The following TCF4 variants were observed in gnomAD, a reference collection of about 807,000 sequenced individuals.
TCF4 encodes the protein SL3-3 enhancer factor 2.
TCF4 carries 3 observed loss-of-function variants against 82.1 expected under a neutral mutation model. That is an observed-to-expected ratio of 0.04 (90% CI 0.02 to 0.09). The LOEUF (loss-of-function observed/expected upper bound fraction) is 0.09. TCF4 is among the 10% of genes least tolerant of loss of function. The pLI, the probability that TCF4 is intolerant of heterozygous loss-of-function variation, is 1.00. For missense variants in TCF4, 518 were observed against 852.7 expected (o/e 0.61, Z 4.89); for synonymous variants, 276 against 309.6 (o/e 0.89, Z 1.14).
Position 55,351,003 on chromosome 18 carries a change from G to C in TCF4, c.370C>G (p.Gln124Glu). 7.4e-6 allele frequency: 12 copies of C among 1,613,072 alleles called. No individual in the cohort carries two copies. The highest frequency in any genetic ancestry group is 1.0e-5 in the Non-Finnish European group (12 of 1,179,284). ...TCCATGTCACCTCCAAGGAGACTCT[G>C]CTAAAAGGTTAAAAAGGGAAAACAA... ...RESNLQGCHQ[Q>E]SLLGGDMDMG... Residue 124 changes from glutamine (Q) to glutamate (E), a missense_variant and splice_region_variant, in exon 7 of 20, where the codon CAG (glutamine) becomes GAG (glutamate). Gln to Glu is a conservative substitution (Grantham distance 29). Transcript: ENST00000354452.
At chr18:55,582,161 T>C (rs970749150) in intron 3 of TCF4, among the ~76,000 whole-genome samples, 1 of 152,124 alleles carries the variant, frequency 6.6e-6, no homozygotes, top group Non-Finnish European at 1.5e-5. Context: ...ATTAAGTCCA[T>C]ACTCATCAAT....
At chr18:55,503,399 C>T (rs2096721080) in intron 3 of TCF4, among the ~76,000 whole-genome samples, 1 of 152,176 alleles carries the variant, frequency 6.6e-6, no homozygotes, top group African/African-American at 2.4e-5. Flanking sequence ...ATCTTCTACA[C>T]TTATGAACAG....
At chr18:55,488,832 G>A (rs1406024807) in intron 3 of TCF4, among the ~76,000 whole-genome samples, 1 of 152,184 alleles carries the variant, frequency 6.6e-6, no homozygotes, top group Non-Finnish European at 1.5e-5. Context: ...AAGAAGAGAA[G>A]TCAAAGGGAG....
chr18:55,366,007 GATATAGA>G (rs1318714188), intron 6 of TCF4, among the ~76,000 whole-genome samples: 7 of 95,930 alleles, frequency 7.3e-5, no homozygotes, highest in South Asian at 2.6e-4. Flanking sequence ...TATAGATATA[GATATAGA>G]TATAGATATA....
intron 8 of TCF4, among the ~76,000 whole-genome samples, chr18:55,330,160 T>C (rs897639780): frequency 4.0e-5 from 6 of 151,480 alleles, no homozygotes; most frequent in Admixed American, 2.0e-4. Context: ...ACCTTCAAAC[T>C]TGCCAGCAAT....
chr18:55,483,125 G>A (rs776991375), intron 3 of TCF4, among the ~76,000 whole-genome samples: 2 of 152,154 alleles, frequency 1.3e-5, no homozygotes, highest in South Asian at 4.1e-4. Flanking sequence ...CACCCTCGGC[G>A]ACTCTTGGTG....
chr18:55,223,752 G>T lies in TCF4; in HGVS notation c.*4283C>A, dbSNP rs1186147997. Reference sequence around the variant, plus strand: ...ATTTTTTTAAGTTTTTAATGCTGCAGCTATGTGTACAGTCGCAAAAAATTT... The same window carrying T: ...ATTTTTTTAAGTTTTTAATGCTGCATCTATGTGTACAGTCGCAAAAAATTT... On this transcript the variant is annotated 3_prime_UTR_variant, in exon 20 of 20. Transcript: ENST00000354452. 1 of 141,516 alleles carries T rather than the reference G, an allele frequency of 7.1e-6. No homozygotes were observed. Among genetic ancestry groups the T allele is most frequent in the East Asian group, 2.0e-4 (1 of 4,922 alleles). The allele number at this position is 141,516 out of a possible 1,614,324, so 8.8% of individuals were successfully genotyped here. A position where few individuals can be genotyped will look rare whatever the true frequency, so the allele number is the denominator to read the frequency against.
chr18:55,441,049 A>G (rs1350365556), intron 5 of TCF4, among the ~76,000 whole-genome samples: 1 of 152,220 alleles, frequency 6.6e-6, no homozygotes, highest in Non-Finnish European at 1.5e-5. Flanking sequence ...TTCTGCCTAC[A>G]CATGGCCTGC....
chr18:55,319,549 G>A (rs1602495956), intron 8 of TCF4, among the ~76,000 whole-genome samples: 1 of 151,938 alleles, frequency 6.6e-6, no homozygotes, highest in African/African-American at 2.4e-5. Context: ...TGTACAATTT[G>A]CCTCTTTCTA....
intron 3 of TCF4, among the ~76,000 whole-genome samples, chr18:55,582,671 G>A (rs1370008654): frequency 6.6e-6 from 1 of 152,042 alleles, no homozygotes; most frequent in Non-Finnish European, 1.5e-5. Context: ...AATCACTATG[G>A]AGCATCCTAT....
intron 7 of TCF4, 25 bp downstream of exon 7, chr18:55,350,849 G>A: frequency 6.2e-7 from 1 of 1,612,800 alleles, no homozygotes; most frequent in Non-Finnish European, 8.5e-7. Context: ...CATCCCTCAG[G>A]CATTCAAACA....
intron 3 of TCF4, among the ~76,000 whole-genome samples, chr18:55,530,199 C>G (rs867558077): frequency 2.0e-5 from 3 of 152,068 alleles, no homozygotes; most frequent in Non-Finnish European, 4.4e-5. Flanking sequence ...AGCCAAGCAA[C>G]AAAAAATGGG....
chr18:55,606,565 G>A (rs1040617147), intron 2 of TCF4, among the ~76,000 whole-genome samples: 14 of 152,098 alleles, frequency 9.2e-5, no homozygotes, highest in African/African-American at 3.1e-4. Flanking sequence ...TTCATCTGTG[G>A]AATTATTTTG....
chr18:55,276,154 A>G (rs2061462754), intron 9 of TCF4, among the ~76,000 whole-genome samples: 3 of 152,182 alleles, frequency 2.0e-5, no homozygotes, highest in Admixed American at 2.0e-4. Context: ...TACAAAGTTG[A>G]CAAGTTTTAA....
At chr18:55,424,015 C>T (rs549707514) in intron 5 of TCF4, among the ~76,000 whole-genome samples, 2 of 152,210 alleles carry the variant, frequency 1.3e-5, no homozygotes, top group Admixed American at 6.5e-5. Context: ...CCTCTCCAAC[C>T]ACCATCAGAA....
At chr18:55,585,388 A>C (rs369271466) in intron 2 of TCF4, 36 bp from the exon 3 acceptor site, 1 of 1,584,146 alleles carries the variant, frequency 6.3e-7, no homozygotes, top group Non-Finnish European at 8.7e-7. Context: ...GTTGAAAAGA[A>C]GACACTTGTG....
intron 3 of TCF4, among the ~76,000 whole-genome samples, chr18:55,532,720 T>C (rs1409532329): frequency 6.6e-6 from 1 of 152,158 alleles, no homozygotes; most frequent in Non-Finnish European, 1.5e-5. Flanking sequence ...TGCACTGAGT[T>C]CTACTCTGAA....
intron 8 of TCF4, among the ~76,000 whole-genome samples, chr18:55,306,078 G>C (rs1023120454): frequency 5.9e-5 from 9 of 152,040 alleles, no homozygotes; most frequent in African/African-American, 2.2e-4. Context: ...GGGAGGGTGG[G>C]GAGTTTTCAC....
At chr18:55,322,570 G>T (rs1034386773) in intron 8 of TCF4, among the ~76,000 whole-genome samples, 1 of 152,150 alleles carries the variant, frequency 6.6e-6, no homozygotes, top group African/African-American at 2.4e-5. Flanking sequence ...CCCGCCCCGG[G>T]CTCCGCGGGC....
Sources: allele counts gnomAD v4.1 joint callset (sites outside exome capture counted in the v4.1 genomes callset), GRCh38; gene constraint gnomAD v4.1.1; transcripts MANE v1.5; gene names NCBI Gene and HGNC (gene_info 2026-07-23, HGNC 2026-07-21).